The following COMMD1 variants were observed in gnomAD, a reference collection of about 807,000 sequenced individuals.
The protein encoded by COMMD1 is copper metabolism domain containing 1.
A neutral mutation model predicts 17.2 loss-of-function variants in COMMD1; 10 were observed. The ratio of observed to expected loss-of-function variants is 0.58; its 90% CI spans 0.36 to 0.99. The LOEUF (loss-of-function observed/expected upper bound fraction) is 0.99, where lower values mean the gene tolerates loss of function less well. Ranked by LOEUF, COMMD1 falls within the 50% of genes least tolerant of loss-of-function variation. COMMD1 has a pLI of 0.01. For missense variants in COMMD1, 270 were observed against 231.8 expected, an observed-to-expected ratio of 1.17 and a Z score of -1.07; for synonymous variants, 97 against 91.6, an observed-to-expected ratio of 1.06 and a Z score of -0.34.
At chr2:62,013,323 G>A (rs999368608) in intron 2 of COMMD1, among the ~76,000 whole-genome samples, 2 of 151,978 alleles carry the variant, frequency 1.3e-5, no homozygotes, top group Non-Finnish European at 2.9e-5. Flanking sequence ...AATAAGATGA[G>A]GTATTCAGAA....
At chr2:62,005,298 T>A (rs1246070754) in intron 2 of COMMD1, among the ~76,000 whole-genome samples, 1 of 152,246 alleles carries the variant, frequency 6.6e-6, no homozygotes, top group African/African-American at 2.4e-5. Flanking sequence ...TTGTACTTGA[T>A]GTAATTTGTA....
intron 2 of COMMD1, among the ~76,000 whole-genome samples, chr2:62,059,605 G>A (rs1283235010): frequency 1.3e-5 from 2 of 152,152 alleles, no homozygotes; most frequent in Non-Finnish European, 2.9e-5. Context: ...TTGCCTGGCT[G>A]GAGTGCAGTG....
At chr2:62,000,514 C>G (rs1043941101) in intron 1 of COMMD1, among the ~76,000 whole-genome samples, 187 bp from the exon 2 acceptor site, 1 of 151,812 alleles carries the variant, frequency 6.6e-6, no homozygotes, top group Non-Finnish European at 1.5e-5. Flanking sequence ...AGTTTGGTCT[C>G]TAACTCCTAA....
intron 2 of COMMD1, among the ~76,000 whole-genome samples, chr2:62,030,276 G>A (rs575549872): frequency 6.6e-6 from 1 of 152,132 alleles, no homozygotes; most frequent in East Asian, 1.9e-4. Flanking sequence ...TTGAGGAAAG[G>A]GGTTCTGATT....
At chr2:61,907,357 G>T (rs1165952364) in intron 1 of COMMD1, among the ~76,000 whole-genome samples, 1 of 152,138 alleles carries the variant, frequency 6.6e-6, no homozygotes, top group African/African-American at 2.4e-5. Context: ...CGCCTGCCTC[G>T]GCCTCCCGGA....
At chr2:61,895,889 A>C (rs1183128873) in intron 1 of COMMD1, among the ~76,000 whole-genome samples, 1 of 152,176 alleles carries the variant, frequency 6.6e-6, no homozygotes, top group Non-Finnish European at 1.5e-5. Flanking sequence ...TCCTAGGGGC[A>C]GTCCAGTCCA....
At chr2:62,065,466 G>T (rs764679623) in intron 2 of COMMD1, among the ~76,000 whole-genome samples, 1 of 146,492 alleles carries the variant, frequency 6.8e-6, no homozygotes, top group African/African-American at 2.5e-5. Flanking sequence ...TGGAACAACA[G>T]CCATGCACCA....
chr2:62,056,952 C>G (rs1670721481), intron 2 of COMMD1, among the ~76,000 whole-genome samples: 1 of 152,190 alleles, frequency 6.6e-6, no homozygotes, highest in Admixed American at 6.5e-5. Flanking sequence ...CACTCAAAAG[C>G]CTTCCGTTTC....
intron 2 of COMMD1, among the ~76,000 whole-genome samples, chr2:62,064,576 C>T (rs952347720): frequency 6.6e-6 from 1 of 152,140 alleles, no homozygotes; most frequent in Non-Finnish European, 1.5e-5. Context: ...CATTCTTTTG[C>T]TGAGGAGAAA....
intron 1 of COMMD1, among the ~76,000 whole-genome samples, chr2:61,983,866 T>C (rs992503439): frequency 3.9e-5 from 6 of 152,234 alleles, no homozygotes; most frequent in Non-Finnish European, 5.9e-5. Flanking sequence ...TCTTTGCTTC[T>C]ACTGACTTTG....
intron 2 of COMMD1, among the ~76,000 whole-genome samples, chr2:62,015,710 CT>C (rs1248109405): frequency 4.7e-4 from 51 of 107,942 alleles, no homozygotes; most frequent in African/African-American, 4.8e-4. Flanking sequence ...TTTTTTTTTT[CT>C]TTTTTTTTTT....
At chr2:61,939,564 A>C (rs1670687939) in intron 1 of COMMD1, among the ~76,000 whole-genome samples, 1 of 152,160 alleles carries the variant, frequency 6.6e-6, no homozygotes, top group Admixed American at 6.5e-5. Context: ...ATTTTAGTCA[A>C]AGTCTTGGTA....
chr2:61,979,543 A>C (rs1453377463), intron 1 of COMMD1, among the ~76,000 whole-genome samples: 3 of 152,090 alleles, frequency 2.0e-5, no homozygotes, highest in African/African-American at 7.2e-5. Flanking sequence ...ATATTCCCAA[A>C]AGAAACAAAA....
intron 2 of COMMD1, among the ~76,000 whole-genome samples, chr2:62,062,755 T>C (rs1670901906): frequency 6.6e-6 from 1 of 152,174 alleles, no homozygotes; most frequent in East Asian, 1.9e-4. Context: ...ATTACTATTA[T>C]AGGAGGTGCT....
At chr2:61,977,262 T>C (rs1210532585) in intron 1 of COMMD1, among the ~76,000 whole-genome samples, 3 of 148,738 alleles carry the variant, frequency 2.0e-5, no homozygotes, top group Admixed American at 2.0e-4. Flanking sequence ...TTTTTTTTTT[T>C]TGAGACAGTT....
intron 2 of COMMD1, among the ~76,000 whole-genome samples, chr2:62,015,694 G>GT (rs1165260264): frequency 4.4e-5 from 6 of 136,702 alleles, no homozygotes; most frequent in African/African-American, 1.6e-4. Context: ...TTAGTTTCTG[G>GT]GTTTTTTTTT....
chr2:61,893,612 G>C (rs916814027), intron 1 of COMMD1, among the ~76,000 whole-genome samples: 1 of 152,068 alleles, frequency 6.6e-6, no homozygotes, highest in Non-Finnish European at 1.5e-5. Context: ...TCAGGAGTTC[G>C]AGACCAGCCT....
chr2:61,992,231 A>G (rs1672270222), intron 1 of COMMD1, among the ~76,000 whole-genome samples: 1 of 152,208 alleles, frequency 6.6e-6, no homozygotes, highest in Admixed American at 6.5e-5. Flanking sequence ...GAGATTTTTC[A>G]AAATACTTAA....
chr2:62,077,434 A>G (rs1005539290), intron 2 of COMMD1, among the ~76,000 whole-genome samples: 5 of 152,164 alleles, frequency 3.3e-5, no homozygotes, highest in Admixed American at 3.3e-4. Flanking sequence ...AGGTATTTTT[A>G]TCTCTCAAAT....
Sources: gnomAD v4.1 joint callset for allele counts (sites outside exome capture counted in the v4.1 genomes callset) on GRCh38, gnomAD v4.1.1 for gene constraint, MANE v1.5 for transcripts, NCBI Gene and HGNC (gene_info 2026-07-23, HGNC 2026-07-21) for gene names.